Variants in FMNL3 observed in about 807,000 individuals in gnomAD.
FMNL3 encodes the protein formin-like protein 3.
Under a neutral mutation model 119.6 loss-of-function variants are expected in FMNL3, and 57 were observed. The ratio of observed to expected loss-of-function variants is 0.48; its 90% confidence interval spans 0.39 to 0.59. FMNL3 has a LOEUF of 0.59. Among genes scored for constraint, FMNL3 ranks in the 20% least tolerant of loss-of-function variants. FMNL3 has a pLI of 0.00. For missense variants in FMNL3, 1,053 were observed against 1,323.5 expected, an observed-to-expected ratio of 0.80 and a Z score of 3.17; for synonymous variants, 491 against 507.3, an observed-to-expected ratio of 0.97 and a Z score of 0.43.
chr12:49,648,023 C>T (rs2138709446), intron 22 of FMNL3, among the ~76,000 whole-genome samples, 170 bp downstream of exon 22: 1 of 151,918 alleles, frequency 6.6e-6, no homozygotes, highest in East Asian at 1.9e-4. Context: ...CTCTCTCTCC[C>T]CTACATGTCT....
At chr12:49,686,524 G>A (rs552859853) in intron 1 of FMNL3, among the ~76,000 whole-genome samples, 36 of 146,844 alleles carry the variant, frequency 2.5e-4, no homozygotes, top group African/African-American at 8.7e-4. Context: ...CTTGCAGTGA[G>A]CAGAGATTCC....
intron 10 of FMNL3, 140 bp downstream of exon 10, chr12:49,654,770 G>T: frequency 1.3e-6 from 1 of 791,088 alleles, no homozygotes. Context: ...GTAGGCAGGT[G>T]GACAAGAAGC....
At chr12:49,662,814 G>C (rs1432551832) in intron 4 of FMNL3, among the ~76,000 whole-genome samples, 1 of 152,178 alleles carries the variant, frequency 6.6e-6, no homozygotes, top group Non-Finnish European at 1.5e-5. Context: ...TTTGGGCTGA[G>C]ATATTCCTGG....
chr12:49,705,033 T>C (rs923572566), intron 1 of FMNL3, among the ~76,000 whole-genome samples: 1 of 152,160 alleles, frequency 6.6e-6, no homozygotes, highest in Non-Finnish European at 1.5e-5. Flanking sequence ...TTCAGAACAG[T>C]GGACACAGGG....
intron 1 of FMNL3, among the ~76,000 whole-genome samples, chr12:49,705,061 G>A (rs1057008838): frequency 6.6e-6 from 1 of 152,198 alleles, no homozygotes; most frequent in Non-Finnish European, 1.5e-5. Flanking sequence ...AGAGCCCCCA[G>A]AGAAGAACTC....
rs780537733 is a variant in FMNL3 at position 49,649,707 on chromosome 12, A to C, written c.2219T>G (p.Leu740Arg). The C allele has an allele frequency of 1.2e-6, 2 of 1,614,036 alleles. No homozygotes were observed. Among genetic ancestry groups the C allele is most frequent in the Non-Finnish European group, 1.7e-6 (2 of 1,180,016 alleles). ...GGGCTGTACCGGTGTGAGCATCTGC[A>C]GGTTATCCTGGAAGTTCCCCAGGAA... is the stretch of plus-strand genomic sequence containing the variant. ...MAFLGNFQDN[L>R]QMLTPQLNAI... Residue 740 changes from leucine (L) to arginine (R), a missense_variant, in exon 18 of 26, where the codon CTG (leucine) becomes CGG (arginine). By Grantham distance (102) the Leu-to-Arg change is moderately radical. This residue lies in a region of FMNL3 where 324 missense variants were observed against 380.9 expected (regional missense o/e 0.85). Coordinates refer to ENST00000335154, the MANE Select transcript of FMNL3 (RefSeq NM_175736.5). This position sits in a 1 kb window ranked among gnomAD's most constrained non-coding sequence, Gnocchi z 5.6.
chr12:49,642,750 G>A lies in FMNL3; in HGVS notation c.*3065C>T. On this transcript the variant is annotated 3_prime_UTR_variant, in exon 26 of 26. Transcript: ENST00000335154. The surrounding 1 kb of genome is among the most constrained non-coding windows in gnomAD (Gnocchi z 5.8). ...GACCAGTTCAACAGAGACCTCAGTGGCCTCCCTCTTACCCTTAGGGCACTC... is the reference window on the plus strand; with the variant it reads ...GACCAGTTCAACAGAGACCTCAGTGACCTCCCTCTTACCCTTAGGGCACTC... 6.6e-7 allele frequency: 1 copy of A among 1,515,634 alleles called. No homozygotes were observed. The highest frequency in any genetic ancestry group is 9.0e-7 in the Non-Finnish European group (1 of 1,110,368). The allele number at this position is 1,515,634 out of a possible 1,614,324, so 93.9% of individuals were successfully genotyped here. A position where few individuals can be genotyped will look rare whatever the true frequency, so the allele number is the denominator to read the frequency against.
chr12:49,639,500 C>T lies in FMNL3; in HGVS notation c.*6315G>A, dbSNP rs780212890. On this transcript the variant is annotated 3_prime_UTR_variant, in exon 26 of 26. Transcript: ENST00000335154. The stretch of plus-strand genomic sequence containing the variant: ...GACAGCAGAAGAGAGCAGGCTGTAG[C>T]GCTCCAGCTGTTCTTCTGAGACACT... The T allele has an allele frequency of 2.0e-5, 3 of 152,236 alleles. No individual in the cohort carries two copies. The highest frequency in any genetic ancestry group is 2.0e-4 in the Admixed American group (3 of 15,276). The allele number at this position is 152,236 out of a possible 1,614,324, so 9.4% of individuals were successfully genotyped here.
intron 1 of FMNL3, among the ~76,000 whole-genome samples, chr12:49,693,878 C>A (rs979438097): frequency 1.3e-4 from 19 of 151,662 alleles, no homozygotes; most frequent in Non-Finnish European, 2.8e-4. Context: ...AAACTCCCGA[C>A]CTCAGGTGAT....
rs1943871215 is a variant in FMNL3 at position 49,665,717 on chromosome 12, T to C, written c.368+115A>G. On this transcript the variant is annotated intron_variant, in intron 4 of 25. Coordinates refer to ENST00000335154, the MANE Select transcript of FMNL3 (RefSeq NM_175736.5). ...CCAGAAGCCATTCAAGGGGCAACTC[T>C]GCCCCATGGCAGGGAAGATGAACAG... is the stretch of plus-strand genomic sequence containing the variant. 2.7e-6 allele frequency: 3 copies of C among 1,126,694 alleles called. No individual in the cohort carries two copies. The East Asian group carries it at 7.1e-5, about 27-fold the overall frequency. 69.8% of individuals were successfully genotyped at this position (1,126,694 alleles called of 1,614,324 possible). A position where few individuals can be genotyped will look rare whatever the true frequency, so the allele number is the denominator to read the frequency against.
rs890069205 is a variant in FMNL3 at position 49,654,183 on chromosome 12, C to G, written c.1071+9G>C. Reference sequence around the variant, plus strand: ...GCACCTCACCTTACAAGGACCCCAGCCAGCTCACCTGCAGGAACTCCTCTA... The same window carrying G: ...GCACCTCACCTTACAAGGACCCCAGGCAGCTCACCTGCAGGAACTCCTCTA... On this transcript the variant is annotated intron_variant, in intron 11 of 25. Transcript: ENST00000335154. The G allele has an allele frequency of 6.2e-7, 1 of 1,612,682 alleles. No homozygotes were observed. The highest frequency in any genetic ancestry group is 8.5e-7 in the Non-Finnish European group (1 of 1,178,830).
intron 9 of FMNL3, among the ~76,000 whole-genome samples, chr12:49,655,665 T>C (rs774153977): frequency 6.6e-5 from 10 of 151,938 alleles, no homozygotes; most frequent in Admixed American, 1.3e-4. Context: ...GCAGTCCTAG[T>C]GGGGATGCAG....
chr12:49,672,421 C>G (rs940221145), intron 1 of FMNL3, among the ~76,000 whole-genome samples: 2 of 152,156 alleles, frequency 1.3e-5, no homozygotes, highest in African/African-American at 2.4e-5. Context: ...GGACCGATTC[C>G]TAAATCACAG....
chr12:49,664,014 C>T (rs1220492070), intron 4 of FMNL3, among the ~76,000 whole-genome samples: 4 of 152,142 alleles, frequency 2.6e-5, no homozygotes, highest in Admixed American at 1.3e-4. Context: ...TTTGAAAGGC[C>T]AAGACAGGCA....
rs1352578561 is a variant in FMNL3 at position 49,647,659 on chromosome 12, GT to G, written c.2778+43del. The G allele has an allele frequency of 6.4e-7, 1 of 1,565,310 alleles. No individual in the cohort carries two copies. The highest frequency in any genetic ancestry group is 2.2e-5 in the East Asian group (1 of 44,630). The stretch of plus-strand genomic sequence containing the variant: ...AGCCCAGGCTTCTCTCCCCCAGCCA[GT>G]TTTCTCGCAACCAAACTTCTTAAAA... On this transcript the variant is annotated intron_variant, in intron 23 of 25. Coordinates refer to ENST00000335154, the MANE Select transcript of FMNL3 (RefSeq NM_175736.5). The surrounding 1 kb of genome is among the most constrained non-coding windows in gnomAD (Gnocchi z 4.9).
chr12:49,707,154 C>G lies in FMNL3; in HGVS notation c.27G>C (p.Gly9=). 3.2e-6 allele frequency: 5 copies of G among 1,585,318 alleles called. No homozygotes were observed. The highest frequency in any genetic ancestry group is 3.4e-6 in the Non-Finnish European group (4 of 1,167,814). Residue 9 remains glycine (G), a synonymous_variant, in exon 1 of 26, where the codon GGG becomes GGC. Transcript: ENST00000335154. ...GGACAGAGGGGGGCTCTCCCGGGAC[C>G]CCCTCGGCGCTCTCCAGGTTGCCCA... The part of the protein sequence containing the change: MGNLESAE[G]VPGEPPSVPL...
intron 1 of FMNL3, among the ~76,000 whole-genome samples, chr12:49,675,294 A>G (rs1340842532): frequency 6.6e-6 from 1 of 152,214 alleles, no homozygotes; most frequent in Non-Finnish European, 1.5e-5. Context: ...TGATCTGTCT[A>G]TTGGCTCCTC....
chr12:49,667,056 C>A (rs1346033587), intron 2 of FMNL3, among the ~76,000 whole-genome samples: 4 of 151,996 alleles, frequency 2.6e-5, no homozygotes, highest in Non-Finnish European at 4.4e-5. Context: ...CAAGGTCATC[C>A]CTCGATTCCC....
chr12:49,663,120 G>A (rs1943786839), intron 4 of FMNL3, among the ~76,000 whole-genome samples: 1 of 152,164 alleles, frequency 6.6e-6, no homozygotes, highest in Non-Finnish European at 1.5e-5. Flanking sequence ...GACTGACACC[G>A]GAGCTGCCTG....
Sources: allele counts gnomAD v4.1 joint callset (sites outside exome capture counted in the v4.1 genomes callset), GRCh38; gene constraint gnomAD v4.1.1; regional missense constraint gnomAD v4.1.1; non-coding constraint Gnocchi (gnomAD v3.1); transcripts MANE v1.5; gene names NCBI Gene and HGNC (gene_info 2026-07-23, HGNC 2026-07-21).